Variants in CACHD1 observed in about 807,000 individuals in gnomAD.
CACHD1 encodes the protein VWFA and cache domain-containing protein 1.
In CACHD1, 71 loss-of-function variants were observed where a neutral mutation model predicts 138.7. The observed-to-expected ratio is 0.51, with a 90% CI of 0.42 to 0.62. The LOEUF (loss-of-function observed/expected upper bound fraction) is 0.62, where lower values mean the gene tolerates loss of function less well. Ranked by LOEUF, CACHD1 falls within the 20% of genes least tolerant of loss-of-function variation. CACHD1 has a pLI of 0.00. For synonymous variants in CACHD1, 578 were observed against 591.5 expected, an observed-to-expected ratio of 0.98 and a Z score of 0.33; for missense variants, 1,389 against 1,625.3, an observed-to-expected ratio of 0.85 and a Z score of 2.50.
At chr1:64,610,002 A>G (rs1306326870) in intron 4 of CACHD1, among the ~76,000 whole-genome samples, 5 of 152,156 alleles carry the variant, frequency 3.3e-5, no homozygotes, top group Admixed American at 3.3e-4. Context: ...GGGGAAGCAA[A>G]CATGTCCTTC....
chr1:64,567,165 A>G (rs552699444), intron 2 of CACHD1, among the ~76,000 whole-genome samples: 2 of 152,190 alleles, frequency 1.3e-5, no homozygotes, highest in Admixed American at 1.3e-4. Context: ...AACTCAGCAC[A>G]CATTTGTTGA....
intron 1 of CACHD1, 37 bp from the exon 2 acceptor site, chr1:64,550,557 T>C (rs1454651321): frequency 2.7e-6 from 4 of 1,469,416 alleles, no homozygotes; most frequent in Non-Finnish European, 3.8e-6. Flanking sequence ...AAATGACTTA[T>C]TTAGAAAATC....
At position 64,691,343 on chromosome 1, in the gene CACHD1, C is replaced by T; in HGVS notation, c.3607C>T (p.Gln1203Ter). Residue 1203 changes from glutamine to a stop codon, truncating the protein, a stop_gained, in exon 27 of 27, where the codon CAG (glutamine) becomes TAG (stop). Coordinates refer to ENST00000651257, the MANE Select transcript of CACHD1 (RefSeq NM_020925.4). LOFTEE classifies it high-confidence loss of function. ...TCTAGGTTACAGCACCATGAGCCCA[C>T]AGGAGGACAGTGAAAATCCTCCATG... ...SDHGYSTMSP[Q>*]EDSENPPCNN... The T allele has an allele frequency of 6.2e-7, 1 of 1,614,018 alleles. No individual in the cohort carries two copies. Among genetic ancestry groups the T allele is most frequent in the Non-Finnish European group, 8.5e-7 (1 of 1,179,964 alleles).
At chr1:64,591,463 C>T (rs1436748) in intron 3 of CACHD1, among the ~76,000 whole-genome samples, 7,855 of 152,288 alleles carry the variant, frequency 0.052, 240 homozygotes, top group Middle Eastern at 0.082. Flanking sequence ...AAATGCTAGA[C>T]TGGAGAATTT....
chr1:64,690,397 A>G (rs1348145640), intron 26 of CACHD1, among the ~76,000 whole-genome samples: 1 of 152,226 alleles, frequency 6.6e-6, no homozygotes, highest in Non-Finnish European at 1.5e-5. Context: ...CTGTAGATGC[A>G]ATGGAAATAT....
chr1:64,662,562 A>G (rs1649478079), intron 13 of CACHD1, among the ~76,000 whole-genome samples: 1 of 152,336 alleles, frequency 6.6e-6, no homozygotes, highest in East Asian at 1.9e-4. Context: ...AGGAGACAAG[A>G]CATGACGTGT....
At chr1:64,530,647 G>A (rs1646575393) in intron 1 of CACHD1, among the ~76,000 whole-genome samples, 1 of 152,034 alleles carries the variant, frequency 6.6e-6, no homozygotes. Context: ...GAGGTGGGCG[G>A]ATCACCTGAG....
At chr1:64,587,313 G>C (rs1041951592) in intron 3 of CACHD1, among the ~76,000 whole-genome samples, 4 of 151,976 alleles carry the variant, frequency 2.6e-5, no homozygotes, top group Non-Finnish European at 4.4e-5. Context: ...TCCATATTTG[G>C]TTTTCTCCAG....
At chr1:64,560,581 C>G (rs987882346) in intron 2 of CACHD1, among the ~76,000 whole-genome samples, 2 of 151,184 alleles carry the variant, frequency 1.3e-5, no homozygotes, top group African/African-American at 4.9e-5. Flanking sequence ...GATTTCAATC[C>G]TTTTTAATTA....
chr1:64,540,092 T>G (rs775212535), intron 1 of CACHD1, among the ~76,000 whole-genome samples: 40 of 152,222 alleles, frequency 2.6e-4, no homozygotes, highest in Admixed American at 6.5e-4. Flanking sequence ...ATCAGTCACT[T>G]AAGTCTGGAA....
intron 1 of CACHD1, among the ~76,000 whole-genome samples, chr1:64,550,000 G>A (rs955543479): frequency 3.3e-5 from 5 of 152,092 alleles, no homozygotes; most frequent in African/African-American, 9.7e-5. Flanking sequence ...GTGTGCTTGT[G>A]TGCTGTAGTT....
intron 9 of CACHD1, among the ~76,000 whole-genome samples, chr1:64,651,389 AT>A (rs1443392027): frequency 6.6e-6 from 1 of 152,062 alleles, no homozygotes; most frequent in African/African-American, 2.4e-5. Flanking sequence ...TAAAGGATGC[AT>A]TAATGGGGTA....
At chr1:64,570,317 G>A (rs760759428) in intron 2 of CACHD1, among the ~76,000 whole-genome samples, 1 of 152,190 alleles carries the variant, frequency 6.6e-6, no homozygotes, top group Non-Finnish European at 1.5e-5. Context: ...AACCTGCCAA[G>A]AACTATAGCT....
At chr1:64,491,670 C>G (rs1461648223) in intron 1 of CACHD1, among the ~76,000 whole-genome samples, 1 of 152,170 alleles carries the variant, frequency 6.6e-6, no homozygotes, top group African/African-American at 2.4e-5. Flanking sequence ...CCATATCACC[C>G]TCTGTTGCCC....
intron 3 of CACHD1, among the ~76,000 whole-genome samples, chr1:64,585,323 G>C (rs1647043258): frequency 6.6e-6 from 1 of 152,180 alleles, no homozygotes; most frequent in Non-Finnish European, 1.5e-5. Context: ...GTTCAGGTCT[G>C]GGATAGAGGC....
intron 2 of CACHD1, among the ~76,000 whole-genome samples, chr1:64,578,184 T>C (rs1646984285): frequency 1.3e-5 from 2 of 152,254 alleles, no homozygotes; most frequent in Admixed American, 6.5e-5. Flanking sequence ...AGCGAGTGCA[T>C]GAGCACACAG....
intron 3 of CACHD1, among the ~76,000 whole-genome samples, chr1:64,590,143 T>A (rs555405621): frequency 6.6e-6 from 1 of 151,964 alleles, no homozygotes; most frequent in East Asian, 1.9e-4. Context: ...CCGTCTCTAC[T>A]AAAAACAAAC....
At chr1:64,471,832 A>G (rs1391479348) in intron 1 of CACHD1, among the ~76,000 whole-genome samples, 1 of 152,086 alleles carries the variant, frequency 6.6e-6, no homozygotes, top group African/African-American at 2.4e-5. Context: ...AGGAATCCTG[A>G]TGATGTTACT....
At chr1:64,673,308 C>G (rs1649879849) in intron 18 of CACHD1, 40 bp from the exon 19 acceptor site, 1 of 1,611,550 alleles carries the variant, frequency 6.2e-7, no homozygotes, top group Admixed American at 1.7e-5. Context: ...CTGCAGCTCA[C>G]TACATGGCAT....
Sources: allele counts gnomAD v4.1 joint callset (sites outside exome capture counted in the v4.1 genomes callset), GRCh38; gene constraint gnomAD v4.1.1; transcripts MANE v1.5; gene names NCBI Gene and HGNC (gene_info 2026-07-23, HGNC 2026-07-21).